HELZ: variants seen among roughly 807,000 people sequenced by gnomAD.
The protein encoded by HELZ is helicase with zinc finger.
In HELZ, 23 loss-of-function variants were observed where a neutral mutation model predicts 218.2. That is an observed-to-expected ratio of 0.11 (90% CI 0.08 to 0.15). HELZ has a LOEUF of 0.15. HELZ is among the 10% of genes least tolerant of loss of function. The pLI is 1.00. For synonymous variants in HELZ, 814 were observed against 829.4 expected (o/e 0.98, Z 0.32); for missense variants, 1,813 against 2,353.7 (o/e 0.77, Z 4.75).
chr17:67,232,478 A>G (rs1179299507), intron 3 of HELZ, among the ~76,000 whole-genome samples: 4 of 152,212 alleles, frequency 2.6e-5, no homozygotes, highest in Non-Finnish European at 1.5e-5. Context: ...TTAACAAGCA[A>G]TAAGTTTTCA....
intron 31 of HELZ, among the ~76,000 whole-genome samples, chr17:67,093,256 A>C (rs893082461): frequency 6.6e-6 from 1 of 152,224 alleles, no homozygotes; most frequent in African/African-American, 2.4e-5. Context: ...TGAGGGCTCA[A>C]ATATTAAATG....
At chr17:67,215,486 C>T (rs932172472) in intron 5 of HELZ, among the ~76,000 whole-genome samples, 5 of 151,950 alleles carry the variant, frequency 3.3e-5, no homozygotes, top group African/African-American at 1.2e-4. Context: ...GTAGCTGGGA[C>T]TACAGGCATG....
chr17:67,074,538 C>A lies in HELZ; in HGVS notation c.*3714G>T, dbSNP rs2035970565. 6.6e-6 allele frequency: 1 copy of A among 152,010 alleles called. No homozygotes were observed. The highest frequency in any genetic ancestry group is 2.4e-5 in the African/African-American group (1 of 41,404). The allele number at this position is 152,010 out of a possible 1,614,324, so 9.4% of individuals were successfully genotyped here. ...AGGTGGCTCGCTCTAGCTAAGGGGG[C>A]TAGAGAAACATCTTTTACGTCTGCA... is the stretch of plus-strand genomic sequence containing the variant. On this transcript the variant is annotated 3_prime_UTR_variant, in exon 33 of 33. Coordinates refer to ENST00000358691, the MANE Select transcript of HELZ (RefSeq NM_014877.4).
chr17:67,137,471 T>C (rs538931495), intron 22 of HELZ, among the ~76,000 whole-genome samples: 1 of 152,330 alleles, frequency 6.6e-6, no homozygotes, highest in East Asian at 1.9e-4. Context: ...AGGCTTCAAT[T>C]AGAGTTCACA....
chr17:67,221,413 C>G (rs2040741794), intron 3 of HELZ, among the ~76,000 whole-genome samples: 1 of 152,086 alleles, frequency 6.6e-6, no homozygotes. Flanking sequence ...TACCAGAGGC[C>G]CTAGAATTAG....
intron 13 of HELZ, among the ~76,000 whole-genome samples, chr17:67,171,945 C>T (rs1262124012): frequency 1.3e-5 from 2 of 152,018 alleles, no homozygotes; most frequent in Admixed American, 1.3e-4. Flanking sequence ...GATTCTCCTG[C>T]TTCAGCCTCC....
chr17:67,189,100 T>C (rs1467366026), intron 11 of HELZ, among the ~76,000 whole-genome samples: 1 of 152,178 alleles, frequency 6.6e-6, no homozygotes, highest in Non-Finnish European at 1.5e-5. Flanking sequence ...ACAGAAACTT[T>C]TTACTTTGCT....
chr17:67,167,924 T>C (rs2039195128), intron 13 of HELZ, 128 bp from the exon 14 acceptor site: 11 of 674,468 alleles, frequency 1.6e-5, no homozygotes, highest in African/African-American at 1.3e-4. Context: ...TTCCACTTCA[T>C]TGAGCTAAAA....
chr17:67,245,056 G>A (rs1296319564), intron 1 of HELZ, 92 bp downstream of exon 1: 3 of 984,622 alleles, frequency 3.0e-6, no homozygotes, highest in Non-Finnish European at 3.6e-6. Context: ...CGGGGTCCGG[G>A]ACACCGGAGG....
chr17:67,081,340 G>A (rs972191315), intron 32 of HELZ, among the ~76,000 whole-genome samples: 8 of 152,272 alleles, frequency 5.3e-5, no homozygotes, highest in African/African-American at 1.7e-4. Context: ...AACTGATACA[G>A]GTAGAAGAGG....
chr17:67,104,012 G>A (rs1204557338), intron 31 of HELZ, among the ~76,000 whole-genome samples: 2 of 152,170 alleles, frequency 1.3e-5, no homozygotes, highest in African/African-American at 2.4e-5. Context: ...CTTTTCAAAA[G>A]CGGTGCTGAG....
At chr17:67,221,302 T>A (rs1179118640) in intron 3 of HELZ, among the ~76,000 whole-genome samples, 3 of 152,096 alleles carry the variant, frequency 2.0e-5, no homozygotes, top group Non-Finnish European at 4.4e-5. Flanking sequence ...CCAGTAAATG[T>A]CTGGAGAAGG....
chr17:67,191,150 G>A (rs2039885437), intron 9 of HELZ, among the ~76,000 whole-genome samples: 1 of 152,124 alleles, frequency 6.6e-6, no homozygotes, highest in Non-Finnish European at 1.5e-5. Context: ...GTTAACATAT[G>A]ACTAATTACC....
At chr17:67,219,664 C>G (rs562214890) in intron 3 of HELZ, among the ~76,000 whole-genome samples, 1 of 152,218 alleles carries the variant, frequency 6.6e-6, no homozygotes, top group South Asian at 2.1e-4. Flanking sequence ...AATGCCACAA[C>G]AAGAAGCAAG....
intron 31 of HELZ, among the ~76,000 whole-genome samples, chr17:67,098,857 G>A (rs1290921268): frequency 6.6e-6 from 1 of 152,218 alleles, no homozygotes; most frequent in Non-Finnish European, 1.5e-5. Context: ...GCCTATTTAT[G>A]TGATTTAAAT....
intron 5 of HELZ, among the ~76,000 whole-genome samples, chr17:67,215,237 C>T (rs2040565551): frequency 1.3e-5 from 2 of 152,078 alleles, no homozygotes; most frequent in African/African-American, 2.4e-5. Context: ...GAAGGAAAGA[C>T]ATTTTAGGAG....
At chr17:67,208,649 G>C (rs1424994216) in intron 5 of HELZ, among the ~76,000 whole-genome samples, 2 of 152,068 alleles carry the variant, frequency 1.3e-5, no homozygotes, top group Admixed American at 6.6e-5. Flanking sequence ...GGGTGCAGCG[G>C]TTCACATATG....
Position 67,167,724 on chromosome 17 carries a change from A to G in HELZ, c.1503T>C (p.Tyr501=), listed in dbSNP as rs1238715580. The change falls in exon 14 of 33, where the codon TAT becomes TAC. Residue 501 remains tyrosine, a synonymous_variant. Coordinates refer to ENST00000358691, the MANE Select transcript of HELZ (RefSeq NM_014877.4). Reference sequence around the variant, plus strand: ...GACCAAAAAGTTGTCCATTCTGAGCATACTTTGCACCTCCAGAAACACCAG... The same window carrying G: ...GACCAAAAAGTTGTCCATTCTGAGCGTACTTTGCACCTCCAGAAACACCAG... ...MLTGVSGGAK[Y]AQNGQLFGRF... The G allele has an allele frequency of 1.2e-6, 2 of 1,614,038 alleles. No individual in the cohort carries two copies. Among genetic ancestry groups the G allele is most frequent in the African/African-American group, 2.7e-5 (2 of 74,934 alleles).
At chr17:67,105,728 TG>T (rs748470873) in intron 31 of HELZ, among the ~76,000 whole-genome samples, 94 of 152,356 alleles carry the variant, frequency 6.2e-4, no homozygotes, top group Non-Finnish European at 1.1e-3. Flanking sequence ...GCCAAATTTT[TG>T]TAAAGTATGG....
Sources: allele counts gnomAD v4.1 joint callset (sites outside exome capture counted in the v4.1 genomes callset), GRCh38; gene constraint gnomAD v4.1.1; transcripts MANE v1.5; gene names NCBI Gene and HGNC (gene_info 2026-07-23, HGNC 2026-07-21).